WDR89: variants seen among roughly 807,000 people sequenced by gnomAD.
The protein encoded by WDR89 is WD repeat-containing protein 89.
WDR89 carries 17 observed loss-of-function variants against 29.1 expected under a neutral mutation model. The observed-to-expected ratio is 0.58, with a 90% CI of 0.40 to 0.88. WDR89 has a LOEUF of 0.88. WDR89 is among the 40% of genes least tolerant of loss of function. The probability of loss-of-function intolerance (pLI) is 0.00; values close to 1 mark genes in which losing one functional copy is unlikely to be tolerated. For synonymous variants in WDR89, 138 were observed against 157.8 expected (o/e 0.87, Z 0.94); for missense variants, 396 against 456.3 (o/e 0.87, Z 1.20).
chr14:63,630,339 C>T (rs1280061227), intron 1 of WDR89, among the ~76,000 whole-genome samples: 1 of 151,572 alleles, frequency 6.6e-6, no homozygotes, highest in Non-Finnish European at 1.5e-5. Flanking sequence ...ACCATAGAGG[C>T]CATTAAAAAG....
intron 1 of WDR89, among the ~76,000 whole-genome samples, chr14:63,638,962 T>TG (rs914939764): frequency 5.3e-5 from 8 of 152,084 alleles, no homozygotes; most frequent in South Asian, 4.1e-4. Context: ...CTTGTTTATC[T>TG]GGGGGGGTCC....
intron 2 of WDR89, among the ~76,000 whole-genome samples, chr14:63,623,399 T>G (rs1341503501): frequency 1.3e-5 from 2 of 151,562 alleles, no homozygotes; most frequent in African/African-American, 4.8e-5. Flanking sequence ...GGTAAGAAGG[T>G]AGATTTAAAT....
At chr14:63,637,890 C>T (rs886324194) in intron 1 of WDR89, among the ~76,000 whole-genome samples, 2 of 152,170 alleles carry the variant, frequency 1.3e-5, no homozygotes, top group Admixed American at 1.3e-4. Context: ...TCTCACAAAT[C>T]ATCACTAAAG....
chr14:63,607,422 C>CA (rs1444787476), intron 2 of WDR89, among the ~76,000 whole-genome samples: 1 of 152,104 alleles, frequency 6.6e-6, no homozygotes, highest in Non-Finnish European at 1.5e-5. Context: ...CTCCGCCTCT[C>CA]AAAGTGCTGG....
chr14:63,600,014 A>C, intron 2 of WDR89, 41 bp from the exon 3 acceptor site: 1 of 1,187,304 alleles, frequency 8.4e-7, no homozygotes. Context: ...ATTAATGCTT[A>C]ACAAGGGAGA....
Position 63,632,005 on chromosome 14 carries a change from G to A in WDR89, c.-137-6972C>T, listed in dbSNP as rs543312771. Among the ~76,000 whole-genome samples, 64 of 151,988 alleles carry A rather than the reference G, an allele frequency of 4.2e-4. 2 individuals carry two copies. The South Asian group carries it at 0.013, about 32-fold the overall frequency. ...GACACGCCTGTAATCCCAGCTACTTGGGAGGCTAAGACAGGAGAATTGCTT... is the reference window on the plus strand; with the variant it reads ...GACACGCCTGTAATCCCAGCTACTTAGGAGGCTAAGACAGGAGAATTGCTT... On this transcript the variant is annotated intron_variant, in intron 1 of 2. Transcript: ENST00000620954.
chr14:63,601,920 CTAAA>C (rs1303434811), intron 2 of WDR89: 3 of 467,588 alleles, frequency 6.4e-6, no homozygotes, highest in African/African-American at 5.9e-5. Context: ...TTATAATAAA[CTAAA>C]TAACTAATGA....
chr14:63,608,233 C>CA (rs1312579122), intron 2 of WDR89, among the ~76,000 whole-genome samples: 4 of 151,802 alleles, frequency 2.6e-5, no homozygotes, highest in African/African-American at 9.7e-5. Flanking sequence ...AACAAACAAA[C>CA]AAAAAACAAC....
chr14:63,631,966 G>GC (rs774852479), intron 1 of WDR89, among the ~76,000 whole-genome samples: 3 of 151,936 alleles, frequency 2.0e-5, no homozygotes, highest in Admixed American at 6.6e-5. Flanking sequence ...AGAAAAATTA[G>GC]CCGGGCGTGA....
At chr14:63,626,676 CAAAAAAAAAAA>C (rs35582220) in intron 1 of WDR89, among the ~76,000 whole-genome samples, 503 of 34,496 alleles carry the variant, frequency 0.015, 1 homozygote, top group Middle Eastern at 0.077. Context: ...GAGACTGTCT[CAAAAAAAAAAA>C]AAAAAAAAAA....
chr14:63,637,219 C>T (rs1883791695), intron 1 of WDR89, among the ~76,000 whole-genome samples: 1 of 152,128 alleles, frequency 6.6e-6, no homozygotes, highest in African/African-American at 2.4e-5. Flanking sequence ...GTGATACCAC[C>T]ACACTCCTGC....
intron 1 of WDR89, among the ~76,000 whole-genome samples, chr14:63,626,993 T>C (rs886603410): frequency 6.6e-6 from 1 of 151,996 alleles, no homozygotes; most frequent in African/African-American, 2.4e-5. Flanking sequence ...TAATGGCGTA[T>C]ACCTGTAGTC....
At chr14:63,605,523 C>T (rs911249779) in intron 2 of WDR89, among the ~76,000 whole-genome samples, 29 of 151,770 alleles carry the variant, frequency 1.9e-4, no homozygotes, top group African/African-American at 6.8e-4. Flanking sequence ...GCAGTGGCAC[C>T]ATCTCAGCTC....
At chr14:63,633,856 T>C (rs1253817588) in intron 1 of WDR89, among the ~76,000 whole-genome samples, 1 of 152,158 alleles carries the variant, frequency 6.6e-6, no homozygotes, top group Non-Finnish European at 1.5e-5. Context: ...GCTTTGTAGA[T>C]CAGATGTGAA....
intron 1 of WDR89, chr14:63,641,242 GA>G (rs1374357966): frequency 6.6e-6 from 1 of 152,050 alleles, no homozygotes; most frequent in Non-Finnish European, 1.5e-5. Context: ...GAAAACACAA[GA>G]ATGAGTAATG....
chr14:63,613,264 T>G (rs1882100250), intron 2 of WDR89, among the ~76,000 whole-genome samples: 1 of 152,110 alleles, frequency 6.6e-6, no homozygotes, highest in South Asian at 2.1e-4. Context: ...CATGTAGTTT[T>G]AAAACTCCAA....
At chr14:63,612,669 A>C (rs1882065474) in intron 2 of WDR89, among the ~76,000 whole-genome samples, 1 of 152,066 alleles carries the variant, frequency 6.6e-6, no homozygotes, top group Non-Finnish European at 1.5e-5. Flanking sequence ...CCAACAAGCA[A>C]GAGCCACCAT....
intron 2 of WDR89, among the ~76,000 whole-genome samples, chr14:63,609,832 A>T (rs894697633): frequency 3.3e-5 from 5 of 152,000 alleles, no homozygotes; most frequent in Non-Finnish European, 5.9e-5. Context: ...CAAAACCAAA[A>T]AAGCATATGA....
rs184008552 is a variant in WDR89 at position 63,620,174 on chromosome 14, G to A, written c.-32+4754C>T. Among the ~76,000 whole-genome samples the A allele has an allele frequency of 8.3e-3, 1,267 of 152,140 alleles. 12 individuals carry two copies. Among genetic ancestry groups the A allele is most frequent in the African/African-American group, 0.028 (1,167 of 41,516 alleles). ...TGGTATAAAAATACAAAAATTAGCC[G>A]AGCGTGGTGGTGTGCACCTGTCATC... On this transcript the variant is annotated intron_variant, in intron 2 of 2. Transcript: ENST00000620954.
Sources: allele counts gnomAD v4.1 joint callset (sites outside exome capture counted in the v4.1 genomes callset), GRCh38; gene constraint gnomAD v4.1.1; transcripts MANE v1.5; gene names NCBI Gene and HGNC (gene_info 2026-07-23, HGNC 2026-07-21).